ANXA6: variants seen among roughly 807,000 people sequenced by gnomAD.
ANXA6 encodes annexin A6.
A neutral mutation model predicts 95.4 loss-of-function variants in ANXA6; 71 were observed. The observed-to-expected ratio is 0.74, with a 90% CI of 0.61 to 0.91. The LOEUF (loss-of-function observed/expected upper bound fraction) is 0.91, where lower values mean the gene tolerates loss of function less well. Among genes scored for constraint, ANXA6 ranks in the 40% least tolerant of loss-of-function variants. The pLI is 0.00. For synonymous variants in ANXA6, 289 were observed against 315.9 expected (o/e 0.91, Z 0.90); for missense variants, 830 against 876.4 (o/e 0.95, Z 0.67).
In ANXA6 at chr5:151,100,738, T is replaced by A. The variant is rs1436966912; in HGVS notation, c.*710A>T. The A allele has an allele frequency of 2.6e-6, 1 of 385,580 alleles. No individual in the cohort carries two copies. The highest frequency in any genetic ancestry group is 5.2e-6 in the Non-Finnish European group (1 of 193,124). The allele number at this position is 385,580 out of a possible 1,614,324, so 23.9% of individuals were successfully genotyped here. A position where few individuals can be genotyped will look rare whatever the true frequency, so the allele number is the denominator to read the frequency against. ...ATGTGTTTGTGTATCTCTTTTTATT[T>A]CTTCCTTAGAAATAAAAAGTGTCAA... is the stretch of plus-strand genomic sequence containing the variant. On this transcript the variant is annotated 3_prime_UTR_variant, in exon 26 of 26. Transcript: ENST00000354546.
chr5:151,129,136 C>T (rs1470949375), intron 12 of ANXA6, among the ~76,000 whole-genome samples: 1 of 152,244 alleles, frequency 6.6e-6, no homozygotes, highest in Non-Finnish European at 1.5e-5. Context: ...GCCCTTGGGG[C>T]AGAGTCCTCG....
intron 22 of ANXA6, among the ~76,000 whole-genome samples, chr5:151,109,525 G>A (rs943085613): frequency 1.3e-5 from 2 of 152,154 alleles, no homozygotes; most frequent in South Asian, 2.1e-4. Context: ...ACCTAATCCC[G>A]GGCATCCCAC....
chr5:151,107,371 G>T (rs1219988576), intron 23 of ANXA6, among the ~76,000 whole-genome samples: 1 of 152,192 alleles, frequency 6.6e-6, no homozygotes, highest in Non-Finnish European at 1.5e-5. Context: ...CCTGCCCAAG[G>T]ACATATAGTG....
Position 151,137,444 on chromosome 5 carries a change from T to C in ANXA6, c.319-123A>G, listed in dbSNP as rs1702834544. 5 of 623,870 alleles carry C rather than the reference T, an allele frequency of 8.0e-6. No homozygotes were observed. The South Asian group carries it at 1.1e-4, about 13-fold the overall frequency. 38.6% of individuals were successfully genotyped at this position (623,870 alleles called of 1,614,324 possible). A position where few individuals can be genotyped will look rare whatever the true frequency, so the allele number is the denominator to read the frequency against. ...GACTCAGGAGGTTCCTACCCAGCTC[T>C]TAGGCACTGATTGGGAACTCCTGCC... On this transcript the variant is annotated intron_variant, in intron 5 of 25. Coordinates refer to ENST00000354546, the MANE Select transcript of ANXA6 (RefSeq NM_001155.5).
At position 151,138,786 on chromosome 5, in the gene ANXA6, G is replaced by T. The variant is rs745435332; in HGVS notation, c.210C>A (p.Leu70=). ...TCAATTCATACTTTAAATCAGCAAT[G>T]AGGTCCTGGCAGGTGGGGAAGAAGA... ...QSYKSLYGKD[L]IADLKYELTG... Residue 70 remains leucine, a synonymous_variant, in exon 5 of 26, where the codon CTC becomes CTA. Coordinates refer to ENST00000354546, the MANE Select transcript of ANXA6 (RefSeq NM_001155.5). The T allele has an allele frequency of 1.9e-6, 3 of 1,611,834 alleles. No individual in the cohort carries two copies. Among genetic ancestry groups the T allele is most frequent in the African/African-American group, 2.7e-5 (2 of 74,880 alleles).
At chr5:151,109,113 A>C (rs138057136) in intron 22 of ANXA6, among the ~76,000 whole-genome samples, 2 of 149,794 alleles carry the variant, frequency 1.3e-5, no homozygotes, top group East Asian at 3.9e-4. Flanking sequence ...GACTTGCCTG[A>C]GGTCACATGG....
At chr5:151,118,713 G>A (rs1765077189) in intron 18 of ANXA6, among the ~76,000 whole-genome samples, 3 of 152,058 alleles carry the variant, frequency 2.0e-5, no homozygotes, top group African/African-American at 7.2e-5. Flanking sequence ...GATTACAGGG[G>A]TGAACCACCG....
chr5:151,117,554 T>C (rs1765036282), intron 19 of ANXA6, among the ~76,000 whole-genome samples: 1 of 152,200 alleles, frequency 6.6e-6, no homozygotes, highest in Admixed American at 6.5e-5. Context: ...CAGGGAGGAC[T>C]GTCTGGAGAA....
At chr5:151,147,988 C>T in intron 1 of ANXA6, 62 bp from the exon 2 acceptor site, 1 of 1,463,590 alleles carries the variant, frequency 6.8e-7, no homozygotes, top group South Asian at 1.2e-5. Context: ...CTTTCTTTCC[C>T]TTACATTTCC....
chr5:151,129,773 C>T (rs552224423), intron 11 of ANXA6, among the ~76,000 whole-genome samples: 12 of 152,114 alleles, frequency 7.9e-5, no homozygotes, highest in African/African-American at 2.2e-4. Context: ...TGCAGTGGTA[C>T]GATCTCAGCT....
At position 151,124,361 on chromosome 5, in the gene ANXA6, C is replaced by T. The variant is rs773557151; in HGVS notation, c.1063G>A (p.Gly355Arg). 8.7e-6 allele frequency: 14 copies of T among 1,610,680 alleles called. No individual in the cohort carries two copies. Among genetic ancestry groups the T allele is most frequent in the Admixed American group, 1.7e-5 (1 of 59,612 alleles). Reference sequence around the variant, plus strand: ...AAGTCATTGGCTGGGCGCACAGTTCCCTTCAGCTGTGAGAAGCAGAAAGAG... The same window carrying T: ...AAGTCATTGGCTGGGCGCACAGTTCTCTTCAGCTGTGAGAAGCAGAAAGAG... ...LSAVARVELK[G>R]TVRPANDFNP... The change falls in exon 15 of 26, where the codon GGA (glycine) becomes AGA (arginine). Residue 355 changes from glycine (G) to arginine (R), a missense_variant. Physicochemically the swap from Gly to Arg is moderately radical, Grantham distance 125. Transcript: ENST00000354546.
At chr5:151,122,065 G>C in intron 17 of ANXA6, 82 bp downstream of exon 17, 1 of 828,246 alleles carries the variant, frequency 1.2e-6, no homozygotes. Context: ...AGAAGTTACA[G>C]CTAATCCACC....
At chr5:151,139,553 C>G (rs2113945167) in intron 3 of ANXA6, 106 bp from the exon 4 acceptor site, 1 of 742,954 alleles carries the variant, frequency 1.3e-6, no homozygotes, top group East Asian at 2.7e-5. Context: ...CTGCAGGCCT[C>G]AGCATGAGCC....
chr5:151,138,953 C>T (rs1473176756), intron 4 of ANXA6, 162 bp from the exon 5 acceptor site: 3 of 629,988 alleles, frequency 4.8e-6, no homozygotes, highest in Non-Finnish European at 8.5e-6. Context: ...CCCTAAGAGA[C>T]AGGCTCAGAA....
rs1765559349 is a variant in ANXA6, at chr5:151,132,969, A to C, written c.640+125T>G. On this transcript the variant is annotated intron_variant, in intron 9 of 25. Transcript: ENST00000354546. ...GCACCAACCTAATAAACTCAGGACT[A>C]AAGTTTGGGTTGGGAATGAAGTAGG... The C allele has an allele frequency of 1.0e-5, 8 of 771,048 alleles. No individual in the cohort carries two copies. In the South Asian group the frequency reaches 1.5e-4, roughly 14 times the overall value. 47.8% of individuals were successfully genotyped at this position (771,048 alleles called of 1,614,324 possible). A position where few individuals can be genotyped will look rare whatever the true frequency, so the allele number is the denominator to read the frequency against.
Position 151,141,778 on chromosome 5 carries a change from C to T in ANXA6, c.19-1535G>A, listed in dbSNP as rs548801134. The stretch of plus-strand genomic sequence containing the variant: ...CTGGGAATCCCCTGCAACCTGATCA[C>T]GCCCCTGGGCAGAGACTTAAAGAGT... On this transcript the variant is annotated intron_variant, in intron 2 of 25. Transcript: ENST00000354546. The T allele has an allele frequency of 2.0e-4, 189 of 924,894 alleles. 1 individual carries two copies. The highest frequency in any genetic ancestry group is 2.0e-3 in the Admixed American group (32 of 16,218). The allele number at this position is 924,894 out of a possible 1,614,324, so 57.3% of individuals were successfully genotyped here.
intron 9 of ANXA6, 114 bp downstream of exon 9, chr5:151,132,980 T>G: frequency 1.2e-6 from 1 of 818,560 alleles, no homozygotes; most frequent in East Asian, 2.7e-5. Flanking sequence ...AAGTTTGGGT[T>G]GGGAATGAAG....
intron 17 of ANXA6, among the ~76,000 whole-genome samples, chr5:151,120,315 T>C (rs185172337): frequency 1.5e-3 from 230 of 151,956 alleles, no homozygotes; most frequent in Non-Finnish European, 2.5e-3. Context: ...GATTGACTGA[T>C]TGATTGACTG....
intron 8 of ANXA6, 71 bp downstream of exon 8, chr5:151,134,356 C>T: frequency 6.6e-7 from 1 of 1,521,062 alleles, no homozygotes; most frequent in Non-Finnish European, 9.1e-7. Flanking sequence ...CAGCCCTTCC[C>T]AGGGCCCCAA....
Sources: gnomAD v4.1 joint callset for allele counts (sites outside exome capture counted in the v4.1 genomes callset) on GRCh38, gnomAD v4.1.1 for gene constraint, MANE v1.5 for transcripts, NCBI Gene and HGNC (gene_info 2026-07-23, HGNC 2026-07-21) for gene names.